UBE2R2: variants seen among roughly 807,000 people sequenced by gnomAD.
UBE2R2 encodes ubiquitin conjugating enzyme E2 R2.
In UBE2R2, 1 loss-of-function variant was observed where a neutral mutation model predicts 27.8. The observed-to-expected ratio is 0.04, with a 90% CI of 0.01 to 0.17. UBE2R2 has a LOEUF of 0.17. UBE2R2 is among the 10% of genes least tolerant of loss of function. The probability of loss-of-function intolerance (pLI) is 1.00; values close to 1 mark genes in which losing one functional copy is unlikely to be tolerated. For synonymous variants in UBE2R2, 106 were observed against 113.3 expected, an observed-to-expected ratio of 0.94 and a Z score of 0.41; for missense variants, 100 against 291.0, an observed-to-expected ratio of 0.34 and a Z score of 4.78.
chr9:33,908,939 T>C (rs1329280227), intron 3 of UBE2R2, among the ~76,000 whole-genome samples: 1 of 152,078 alleles, frequency 6.6e-6, no homozygotes, highest in Non-Finnish European at 1.5e-5. Flanking sequence ...GAGGCTGTAG[T>C]GTGCTATGAT....
chr9:33,913,716 TAAAAC>T (rs1352992048), intron 4 of UBE2R2, among the ~76,000 whole-genome samples: 2 of 152,290 alleles, frequency 1.3e-5, no homozygotes, highest in East Asian at 1.9e-4. Context: ...TGAAAAAAGT[TAAAAC>T]AATGCTGGGA....
Position 33,817,885 on chromosome 9 carries a change from T to C in UBE2R2, c.128T>C (p.Val43Ala). The C allele has an allele frequency of 1.9e-6, 3 of 1,610,858 alleles. No individual in the cohort carries two copies. Among genetic ancestry groups the C allele is most frequent in the Non-Finnish European group, 2.5e-6 (3 of 1,178,282 alleles). Residue 43 changes from valine to alanine, a missense_variant, in exon 1 of 5, where the codon GTG becomes GCG. Physicochemically the swap from Val to Ala is moderately conservative, Grantham distance 64. This residue lies in a region of UBE2R2 where 43 missense variants were observed against 129.2 expected (regional missense o/e 0.33). Coordinates refer to ENST00000263228, the MANE Select transcript of UBE2R2 (RefSeq NM_017811.4). ...VDESDLYNWEVAIFGPPNTLY... is the reference protein window; with the variant it reads ...VDESDLYNWEAAIFGPPNTLY... ...GAGTCCGACCTCTACAACTGGGAGGTGGCCATCTTCGGACCCCCCAACACC... is the reference window on the plus strand; with the variant it reads ...GAGTCCGACCTCTACAACTGGGAGGCGGCCATCTTCGGACCCCCCAACACC...
At chr9:33,866,036 T>A (rs1242104161) in intron 1 of UBE2R2, among the ~76,000 whole-genome samples, 1 of 151,844 alleles carries the variant, frequency 6.6e-6, no homozygotes, top group Non-Finnish European at 1.5e-5. Context: ...TTCACCATGT[T>A]GGCCAGGCTA....
At chr9:33,855,805 A>AG (rs1435335821) in intron 1 of UBE2R2, among the ~76,000 whole-genome samples, 1 of 152,202 alleles carries the variant, frequency 6.6e-6, no homozygotes, top group Non-Finnish European at 1.5e-5. Flanking sequence ...CAGCTAGGCA[A>AG]GGTGCCTCAT....
chr9:33,835,959 A>G (rs932718788), intron 1 of UBE2R2, among the ~76,000 whole-genome samples: 6 of 152,212 alleles, frequency 3.9e-5, no homozygotes, highest in African/African-American at 1.4e-4. Context: ...GTTTTAAGCT[A>G]AGAAGCTAAG....
chr9:33,911,027 C>T (rs1822471300), intron 3 of UBE2R2, among the ~76,000 whole-genome samples: 1 of 151,740 alleles, frequency 6.6e-6, no homozygotes, highest in Non-Finnish European at 1.5e-5. Context: ...TTACTTGAAC[C>T]CAGGAGGCAG....
chr9:33,877,823 G>GTCTGTCTGTCTCTCTTTC lies in UBE2R2; in HGVS notation c.178-9055_178-9054insGTCTGTCTCTCTTTCTCT. Among the ~76,000 whole-genome samples the GTCTGTCTGTCTCTCTTTC allele has an allele frequency of 4.6e-5, 6 of 131,128 alleles. No individual in the cohort carries two copies. In the East Asian group the frequency reaches 6.3e-4, roughly 14 times the overall value. The allele number at this position is 131,128 out of a possible 152,430, so 86.0% of individuals were successfully genotyped here. ...TCTCTGTCTGTCTGTCTGTCTGTCT[G>GTCTGTCTGTCTCTCTTTC]TCTCTCTCTCTCTCTCTCTCTCTCT... On this transcript the variant is annotated intron_variant, in intron 1 of 4. Coordinates refer to ENST00000263228, the MANE Select transcript of UBE2R2 (RefSeq NM_017811.4).
Position 33,906,113 on chromosome 9 carries a change from CTGTTGTTGTTGT to C in UBE2R2, c.363-5837_363-5826del, listed in dbSNP as rs3060468. On this transcript the variant is annotated intron_variant, in intron 3 of 4. Coordinates refer to ENST00000263228, the MANE Select transcript of UBE2R2 (RefSeq NM_017811.4). The stretch of plus-strand genomic sequence containing the variant: ...GTTGTTGTCGTCGTCGTCGTTGTTG[CTGTTGTTGTTGT>C]TGTTGTTGTTGTTTTGAAATGGAGT... 6.0e-5 allele frequency among the ~76,000 whole-genome samples: 9 copies of C among 151,160 alleles called. No individual in the cohort carries two copies. The East Asian group carries it at 1.6e-3, about 26-fold the overall frequency.
chr9:33,907,583 G>A (rs1038462213), intron 3 of UBE2R2, among the ~76,000 whole-genome samples: 4 of 151,998 alleles, frequency 2.6e-5, no homozygotes, highest in Non-Finnish European at 2.9e-5. Flanking sequence ...TCCTCTAGAC[G>A]TGGAGTAGAG....
chr9:33,871,788 G>A (rs561216230), intron 1 of UBE2R2, among the ~76,000 whole-genome samples: 82 of 152,224 alleles, frequency 5.4e-4, no homozygotes, highest in Non-Finnish European at 9.4e-4. Flanking sequence ...TTGGCTCACC[G>A]CAACCTCCAC....
At chr9:33,838,473 T>G (rs2130736176) in intron 1 of UBE2R2, among the ~76,000 whole-genome samples, 1 of 152,196 alleles carries the variant, frequency 6.6e-6, no homozygotes, top group East Asian at 1.9e-4. Flanking sequence ...ATGGTAAACT[T>G]TCCTGAGATG....
chr9:33,917,250 G>C lies in UBE2R2; in HGVS notation c.*13G>C, dbSNP rs1294010201. 6.2e-7 allele frequency: 1 copy of C among 1,613,618 alleles called. No individual in the cohort carries two copies. Among genetic ancestry groups the C allele is most frequent in the South Asian group, 1.1e-5 (1 of 91,076 alleles). ...TGAGGAGTCGTGACGTGCTCCTTCAGTGCCCCTGTACTGCCCTGCCATCTC... is the reference window on the plus strand; with the variant it reads ...TGAGGAGTCGTGACGTGCTCCTTCACTGCCCCTGTACTGCCCTGCCATCTC... On this transcript the variant is annotated 3_prime_UTR_variant, in exon 5 of 5. Coordinates refer to ENST00000263228, the MANE Select transcript of UBE2R2 (RefSeq NM_017811.4).
chr9:33,837,969 A>G (rs1363288734), intron 1 of UBE2R2, among the ~76,000 whole-genome samples: 4 of 152,154 alleles, frequency 2.6e-5, no homozygotes, highest in Non-Finnish European at 5.9e-5. Flanking sequence ...AGAAGTATAC[A>G]TAGTTTTATG....
At chr9:33,826,084 C>T (rs1330617989) in intron 1 of UBE2R2, among the ~76,000 whole-genome samples, 3 of 149,130 alleles carry the variant, frequency 2.0e-5, no homozygotes, top group Admixed American at 6.7e-5. Flanking sequence ...TGCAGGTTTG[C>T]GGTGAGCCAA....
intron 3 of UBE2R2, among the ~76,000 whole-genome samples, chr9:33,901,070 C>T (rs1822234603): frequency 6.6e-6 from 1 of 152,164 alleles, no homozygotes; most frequent in Admixed American, 6.5e-5. Context: ...AGCCTTTCAC[C>T]TCAGCCTCCC....
chr9:33,891,047 G>GTTTTTTTGTTTTTTTTTTTTTTTTT (rs142957598), intron 2 of UBE2R2, among the ~76,000 whole-genome samples: 2 of 126,370 alleles, frequency 1.6e-5, no homozygotes, highest in Admixed American at 8.3e-5. Flanking sequence ...TTGTTGTTGT[G>GTTTTTTTGTTTTTTTTTTTTTTTTT]TTTTTTTGTT....
At chr9:33,915,882 A>C (rs1337823220) in intron 4 of UBE2R2, among the ~76,000 whole-genome samples, 2 of 152,118 alleles carry the variant, frequency 1.3e-5, no homozygotes, top group Non-Finnish European at 2.9e-5. Context: ...CTAAGGTGAT[A>C]TTTAAGCCTT....
intron 1 of UBE2R2, among the ~76,000 whole-genome samples, chr9:33,878,764 AG>A (rs1821669518): frequency 6.6e-6 from 1 of 152,210 alleles, no homozygotes; most frequent in Non-Finnish European, 1.5e-5. Context: ...TGTATGCTGA[AG>A]AGGGCTTTGT....
At chr9:33,882,811 G>A (rs995806538) in intron 1 of UBE2R2, among the ~76,000 whole-genome samples, 10 of 152,126 alleles carry the variant, frequency 6.6e-5, no homozygotes, top group Admixed American at 1.3e-4. Context: ...ACCTTGTGCC[G>A]AGGATAGTGG....
Sources: allele counts gnomAD v4.1 joint callset (sites outside exome capture counted in the v4.1 genomes callset), GRCh38; gene constraint gnomAD v4.1.1; regional missense constraint gnomAD v4.1.1; transcripts MANE v1.5; gene names NCBI Gene and HGNC (gene_info 2026-07-23, HGNC 2026-07-21).